Variants in C10orf90 observed in about 807,000 individuals in gnomAD.
C10orf90 encodes the protein chromosome 10 open reading frame 90, also known as (E2-independent) E3 ubiquitin-conjugating enzyme FATS.
In C10orf90, 56 loss-of-function variants were observed where a neutral mutation model predicts 62.5. The ratio of observed to expected loss-of-function variants is 0.90; its 90% CI spans 0.72 to 1.12. The LOEUF (loss-of-function observed/expected upper bound fraction) is 1.12. C10orf90 is among the 50% of genes most tolerant of loss of function. The pLI, the probability that C10orf90 is intolerant of heterozygous loss-of-function variation, is 0.00. For missense variants in C10orf90, 970 were observed against 880.4 expected, an observed-to-expected ratio of 1.10 and a Z score of -1.29; for synonymous variants, 386 against 340.4, an observed-to-expected ratio of 1.13 and a Z score of -1.47.
At chr10:126,565,249 A>ATTACATATTATGTAATATAATAT (rs1844335926) in intron 2 of C10orf90, among the ~76,000 whole-genome samples, 1 of 27,398 alleles carries the variant, frequency 3.6e-5, no homozygotes, top group African/African-American at 1.1e-4. Context: ...TATAATATTT[A>ATTACATATTATGTAATATAATAT]TTATATTATA....
rs146946121 is a variant in C10orf90 at position 126,573,303 on chromosome 10, T to A, written c.314-59364A>T. ...TTTCACAGTGCTTTTCCATACAATGTCCGTAATCTATAGATAACATAACCG... is the reference window on the plus strand; with the variant it reads ...TTTCACAGTGCTTTTCCATACAATGACCGTAATCTATAGATAACATAACCG... On this transcript the variant is annotated intron_variant, in intron 2 of 9. Transcript: ENST00000488181. 9.5e-3 allele frequency among the ~76,000 whole-genome samples: 1,450 copies of A among 152,308 alleles called. 26 individuals carry two copies. Among genetic ancestry groups the A allele is most frequent in the African/African-American group, 0.032 (1,330 of 41,566 alleles).
In C10orf90 at chr10:126,627,174, T is replaced by C. The variant is rs548270981; in HGVS notation, c.313+19391A>G. Among the ~76,000 whole-genome samples, 21 of 152,138 alleles carry C rather than the reference T, an allele frequency of 1.4e-4. No homozygotes were observed. In the South Asian group the frequency reaches 3.7e-3, roughly 27 times the overall value. On this transcript the variant is annotated intron_variant, in intron 2 of 9. Transcript: ENST00000488181. Reference sequence around the variant, plus strand: ...GCCACCACGCCCGGCTAATTTTTTGTATTTTTAACAAAGATGGGATTTCTC... The same window carrying C: ...GCCACCACGCCCGGCTAATTTTTTGCATTTTTAACAAAGATGGGATTTCTC...
chr10:126,655,304 A>T (rs561019154), intron 1 of C10orf90, among the ~76,000 whole-genome samples: 2 of 152,266 alleles, frequency 1.3e-5, no homozygotes, highest in African/African-American at 4.8e-5. Flanking sequence ...GCAACAGAGC[A>T]AGACTGTGTC....
At chr10:126,643,614 C>G (rs1318091413) in intron 2 of C10orf90, among the ~76,000 whole-genome samples, 4 of 152,202 alleles carry the variant, frequency 2.6e-5, no homozygotes, top group Non-Finnish European at 5.9e-5. Context: ...TCCGCACGCT[C>G]TTGCTGCCAG....
intron 1 of C10orf90, among the ~76,000 whole-genome samples, chr10:126,663,436 G>A (rs1846558898): frequency 6.6e-6 from 1 of 152,196 alleles, no homozygotes; most frequent in East Asian, 1.9e-4. Flanking sequence ...TCACTGTGCA[G>A]CCTGCACCAT....
chr10:126,582,638 T>C (rs921137863), intron 2 of C10orf90, among the ~76,000 whole-genome samples: 4 of 152,296 alleles, frequency 2.6e-5, no homozygotes, highest in South Asian at 2.1e-4. Context: ...TATATAACAA[T>C]GTAAATACGA....
chr10:126,566,726 G>A (rs1844398697), intron 2 of C10orf90, among the ~76,000 whole-genome samples: 1 of 152,294 alleles, frequency 6.6e-6, no homozygotes, highest in Admixed American at 6.5e-5. Context: ...GACCACAGGT[G>A]CTGACCTTTT....
chr10:126,540,171 G>A (rs927666805), intron 2 of C10orf90, among the ~76,000 whole-genome samples: 1 of 152,120 alleles, frequency 6.6e-6, no homozygotes, highest in Non-Finnish European at 1.5e-5. Context: ...TGCAAGACCT[G>A]TATCAAAAGT....
intron 2 of C10orf90, among the ~76,000 whole-genome samples, chr10:126,562,268 A>G (rs890272147): frequency 2.7e-4 from 41 of 151,712 alleles, no homozygotes; most frequent in Non-Finnish European, 5.4e-4. Context: ...TTGCCTAGCC[A>G]CCCCCTGCCC....
chr10:126,557,901 C>T (rs189900993), intron 2 of C10orf90, among the ~76,000 whole-genome samples: 84 of 151,890 alleles, frequency 5.5e-4, no homozygotes, highest in Admixed American at 1.5e-3. Context: ...TGCCTCCTCC[C>T]GACTCCTCCT....
At position 126,456,087 on chromosome 10, in the gene C10orf90, G is replaced by T. The variant is rs572958457; in HGVS notation, c.2188+2953C>A. Among the ~76,000 whole-genome samples, 6 of 152,224 alleles carry T rather than the reference G, an allele frequency of 3.9e-5. No homozygotes were observed. Among genetic ancestry groups the T allele is most frequent in the African/African-American group, 1.4e-4 (6 of 41,454 alleles). ...CGCCTTGACACTGTAGCCAAAGCTC[G>T]TTCACGCATATGATTTATGAACTAA... is the stretch of plus-strand genomic sequence containing the variant. On this transcript the variant is annotated intron_variant, in intron 7 of 9. Transcript: ENST00000488181. This position sits in a 1 kb window ranked among gnomAD's most constrained non-coding sequence, Gnocchi z 4.9.
intron 2 of C10orf90, among the ~76,000 whole-genome samples, chr10:126,544,127 A>G (rs773473123): frequency 2.0e-5 from 3 of 152,238 alleles, no homozygotes; most frequent in Non-Finnish European, 4.4e-5. Context: ...AATATTGTCA[A>G]CTAACTCAAA....
At chr10:126,434,849 A>G (rs1211729057) in intron 7 of C10orf90, among the ~76,000 whole-genome samples, 5 of 152,170 alleles carry the variant, frequency 3.3e-5, no homozygotes, top group Non-Finnish European at 7.3e-5. Context: ...TCAGCTCACC[A>G]TGGTGGACCC....
At chr10:126,632,202 C>T (rs1274578274) in intron 2 of C10orf90, among the ~76,000 whole-genome samples, 1 of 152,064 alleles carries the variant, frequency 6.6e-6, no homozygotes, top group Non-Finnish European at 1.5e-5. Flanking sequence ...TGTTGCCACA[C>T]AACCAGTCCC....
intron 2 of C10orf90, among the ~76,000 whole-genome samples, chr10:126,606,816 T>C (rs1048249415): frequency 5.9e-5 from 9 of 152,210 alleles, no homozygotes; most frequent in Non-Finnish European, 7.3e-5. Context: ...GGATTATTCC[T>C]GCATTGCTGG....
At chr10:126,627,865 G>A (rs1432962321) in intron 2 of C10orf90, among the ~76,000 whole-genome samples, 9 of 152,158 alleles carry the variant, frequency 5.9e-5, no homozygotes, top group Non-Finnish European at 1.3e-4. Context: ...TGGGACTATC[G>A]GCATGCGCCT....
chr10:126,652,948 A>G (rs759994698), intron 1 of C10orf90, among the ~76,000 whole-genome samples: 12 of 152,228 alleles, frequency 7.9e-5, no homozygotes, highest in Non-Finnish European at 1.6e-4. Context: ...AGCAAACCAC[A>G]TGAATTTTTT....
At chr10:126,662,558 G>T (rs989611905) in intron 1 of C10orf90, among the ~76,000 whole-genome samples, 6 of 152,102 alleles carry the variant, frequency 3.9e-5, no homozygotes, top group Non-Finnish European at 5.9e-5. Context: ...GAGACTACTG[G>T]GTTCTGTTTA....
At chr10:126,561,276 T>C (rs1864894578) in intron 2 of C10orf90, among the ~76,000 whole-genome samples, 2 of 152,192 alleles carry the variant, frequency 1.3e-5, no homozygotes, top group South Asian at 4.1e-4. Flanking sequence ...CAACCTCTAA[T>C]TAATCTTAAT....
Sources: allele counts gnomAD v4.1 joint callset (sites outside exome capture counted in the v4.1 genomes callset), GRCh38; gene constraint gnomAD v4.1.1; non-coding constraint Gnocchi (gnomAD v3.1); transcripts MANE v1.5; gene names NCBI Gene and HGNC (gene_info 2026-07-23, HGNC 2026-07-21).